Variants in SMARCA2 observed in about 807,000 individuals in gnomAD.
SMARCA2 encodes SWI/SNF related BAF chromatin remodeling complex subunit ATPase 2, also known as SWI/SNF-related matrix-associated actin-dependent regulator of chromatin subfamily A member 2.
SMARCA2 carries 61 observed loss-of-function variants against 199.8 expected under a neutral mutation model. That is an observed-to-expected ratio of 0.31 (90% CI 0.25 to 0.38). The LOEUF is 0.38. SMARCA2 is among the 10% of genes least tolerant of loss of function. The probability of loss-of-function intolerance (pLI) is 1.00; values close to 1 mark genes in which losing one functional copy is unlikely to be tolerated. For synonymous variants in SMARCA2, 935 were observed against 732.0 expected, an observed-to-expected ratio of 1.28 and a Z score of -4.48; for missense variants, 1,344 against 2,012.2, an observed-to-expected ratio of 0.67 and a Z score of 6.35.
intron 4 of SMARCA2, chr9:2,041,566 T>C (rs1819603182): frequency 1.0e-5 from 4 of 395,608 alleles, no homozygotes. Context: ...CCCTGGGAAT[T>C]AGGATTTTAA....
At chr9:2,044,350 T>G (rs530653995) in intron 4 of SMARCA2, 1 of 152,336 alleles carries the variant, frequency 6.6e-6, no homozygotes, top group East Asian at 1.9e-4. Flanking sequence ...GGCGGACTCA[T>G]CTGAGTATCT....
At chr9:2,038,385 G>C (rs1039847341) in intron 3 of SMARCA2, among the ~76,000 whole-genome samples, 1 of 152,038 alleles carries the variant, frequency 6.6e-6, no homozygotes, top group African/African-American at 2.4e-5. Flanking sequence ...ACCCCCACCA[G>C]CCTGATTTCC....
At chr9:2,096,160 A>T (rs1043071085) in intron 19 of SMARCA2, among the ~76,000 whole-genome samples, 1 of 152,184 alleles carries the variant, frequency 6.6e-6, no homozygotes, top group Non-Finnish European at 1.5e-5. Context: ...TAGTCACCCT[A>T]GGGATGTTAT....
chr9:2,089,380 A>C (rs897502536), intron 19 of SMARCA2, among the ~76,000 whole-genome samples: 1 of 152,066 alleles, frequency 6.6e-6, no homozygotes, highest in Non-Finnish European at 1.5e-5. Flanking sequence ...TTGTTGCATG[A>C]GGTATTTTGA....
rs75668522 is a variant in SMARCA2 at position 2,192,503 on chromosome 9, G to A, written c.4738-201G>A. 496 of 611,742 alleles carry A rather than the reference G, an allele frequency of 8.1e-4. 6 individuals are homozygous for A. In the East Asian group the frequency reaches 0.013, roughly 16 times the overall value. 37.9% of individuals were successfully genotyped at this position (611,742 alleles called of 1,614,324 possible). A position where few individuals can be genotyped will look rare whatever the true frequency, so the allele number is the denominator to read the frequency against. On this transcript the variant is annotated intron_variant, in intron 33 of 33. Coordinates refer to ENST00000349721, the MANE Select transcript of SMARCA2 (RefSeq NM_003070.5). ...GCTTAGAGGGTGGGCTTTGCTTTGG[G>A]GTTTTTCAGTAAGAAAAACTTCTCA...
chr9:2,157,842 C>T (rs1026204085), intron 27 of SMARCA2: 1 of 398,424 alleles, frequency 2.5e-6, no homozygotes, highest in Non-Finnish European at 4.4e-6. Flanking sequence ...GAAGAAGGCG[C>T]CTGAGGCTGA....
At chr9:2,189,227 T>TC (rs1827706126) in intron 32 of SMARCA2, among the ~76,000 whole-genome samples, 1 of 152,182 alleles carries the variant, frequency 6.6e-6, no homozygotes, top group Non-Finnish European at 1.5e-5. Flanking sequence ...CTAGAACTTT[T>TC]CATAGGTGCA....
In SMARCA2 at chr9:2,110,428, C is replaced by T. The variant is rs752646770; in HGVS notation, c.3456+11C>T. 6.4e-7 allele frequency: 1 copy of T among 1,573,828 alleles called. No homozygotes were observed. The highest frequency in any genetic ancestry group is 1.9e-5 in the Admixed American group (1 of 51,916). ...TGGAATCCTCATCAGGTCTGCATGT[C>T]CCACTCAGGTGCCCAGGCCTCCCTC... On this transcript the variant is annotated intron_variant, in intron 24 of 33. Coordinates refer to ENST00000349721, the MANE Select transcript of SMARCA2 (RefSeq NM_003070.5). The surrounding 1 kb of genome is among the most constrained non-coding windows in gnomAD (Gnocchi z 4.8).
At chr9:2,027,848 A>G (rs911733905) in intron 1 of SMARCA2, 8 of 152,218 alleles carry the variant, frequency 5.3e-5, no homozygotes, top group African/African-American at 1.9e-4. Context: ...CCATGTACAG[A>G]TGTGTGCCTC....
intron 21 of SMARCA2, 104 bp from the exon 22 acceptor site, chr9:2,101,466 T>C: frequency 1.8e-6 from 1 of 565,618 alleles, no homozygotes; most frequent in Non-Finnish European, 3.0e-6. Context: ...TTAATTATTT[T>C]GTTTTAACTA....
At chr9:2,071,744 A>G (rs1821097529) in intron 10 of SMARCA2, among the ~76,000 whole-genome samples, 1 of 152,230 alleles carries the variant, frequency 6.6e-6, no homozygotes, top group Non-Finnish European at 1.5e-5. Context: ...TAGAGGCATG[A>G]CATTAGCACG....
intron 27 of SMARCA2, among the ~76,000 whole-genome samples, chr9:2,134,051 A>C (rs1317278120): frequency 6.6e-6 from 1 of 152,230 alleles, no homozygotes; most frequent in Non-Finnish European, 1.5e-5. Context: ...AGAATCTGGC[A>C]TATAAGAAGG....
chr9:2,153,572 GTTTT>G (rs367923679), intron 27 of SMARCA2, among the ~76,000 whole-genome samples: 5 of 152,074 alleles, frequency 3.3e-5, no homozygotes, highest in African/African-American at 1.2e-4. Context: ...TCTGGATAGA[GTTTT>G]TTTAATAGGG....
At chr9:2,093,200 G>T (rs925444819) in intron 19 of SMARCA2, among the ~76,000 whole-genome samples, 3 of 152,208 alleles carry the variant, frequency 2.0e-5, no homozygotes, top group African/African-American at 7.2e-5. Flanking sequence ...CAATCAGAAT[G>T]AATGATCCAG....
At chr9:2,177,639 G>A (rs905623251) in intron 29 of SMARCA2, among the ~76,000 whole-genome samples, 3 of 151,888 alleles carry the variant, frequency 2.0e-5, no homozygotes, top group Non-Finnish European at 2.9e-5. Flanking sequence ...CACAACCTCC[G>A]CCTCCTGGGT....
At chr9:2,141,924 G>A (rs985011567) in intron 27 of SMARCA2, among the ~76,000 whole-genome samples, 1 of 152,184 alleles carries the variant, frequency 6.6e-6, no homozygotes, top group Non-Finnish European at 1.5e-5. Context: ...TGGTCTAGCT[G>A]GCCCGGGGAG....
chr9:2,120,406 C>T (rs1483118867), intron 26 of SMARCA2, among the ~76,000 whole-genome samples: 5 of 152,136 alleles, frequency 3.3e-5, no homozygotes, highest in Non-Finnish European at 5.9e-5. Flanking sequence ...AGACCTATGT[C>T]GCCAGAAATG....
rs1349621985 is a variant in SMARCA2 at position 2,115,818 on chromosome 9, A to T, written c.3457-4A>T. On this transcript the variant is annotated splice_region_variant and splice_polypyrimidine_tract_variant and intron_variant, in intron 24 of 33. Transcript: ENST00000349721. The surrounding 1 kb of genome is among the most constrained non-coding windows in gnomAD (Gnocchi z 6.0). ...TCCTCATAGCATATTGACCCCCCAA[A>T]CAGGATCTGCAGGCCCAAGACCGAG... 2 of 1,613,260 alleles carry T rather than the reference A, an allele frequency of 1.2e-6. No homozygotes were observed. Among genetic ancestry groups the T allele is most frequent in the Non-Finnish European group, 1.7e-6 (2 of 1,179,470 alleles).
At chr9:2,148,166 G>T (rs561677676) in intron 27 of SMARCA2, among the ~76,000 whole-genome samples, 1 of 151,742 alleles carries the variant, frequency 6.6e-6, no homozygotes, top group South Asian at 2.1e-4. Flanking sequence ...ATAGAACTAA[G>T]AACCCAATTT....
Sources: gnomAD v4.1 joint callset for allele counts (sites outside exome capture counted in the v4.1 genomes callset) on GRCh38, gnomAD v4.1.1 for gene constraint, Gnocchi (gnomAD v3.1) non-coding constraint, MANE v1.5 for transcripts, NCBI Gene and HGNC (gene_info 2026-07-23, HGNC 2026-07-21) for gene names.